ACTR2: variants seen among roughly 807,000 people sequenced by gnomAD.
ACTR2 encodes actin-related protein 2.
Under a neutral mutation model 50.2 loss-of-function variants are expected in ACTR2, and 5 were observed. That is an observed-to-expected ratio of 0.10 (90% CI 0.05 to 0.21). The LOEUF (loss-of-function observed/expected upper bound fraction) is 0.21. Ranked by LOEUF, ACTR2 falls within the 10% of genes least tolerant of loss-of-function variation. The probability of loss-of-function intolerance (pLI) is 1.00; values close to 1 mark genes in which losing one functional copy is unlikely to be tolerated. For synonymous variants in ACTR2, 140 were observed against 162.9 expected (o/e 0.86, Z 1.07); for missense variants, 180 against 480.6 (o/e 0.37, Z 5.85).
At chr2:65,255,764 A>T (rs1672138097) in intron 6 of ACTR2, 70 bp downstream of exon 6, 2 of 1,410,340 alleles carry the variant, frequency 1.4e-6, no homozygotes, top group Non-Finnish European at 9.6e-7. Flanking sequence ...TGTCAGCTTA[A>T]GGAGGTTTTC....
chr2:65,237,632 T>C lies in ACTR2; in HGVS notation c.49-2220T>C, dbSNP rs1383683981. ...TCAGGAGGCTGAGACAGGAGGATCATTGGAGGCCAGGAGTTCCAGACCAGC... is the reference window on the plus strand; with the variant it reads ...TCAGGAGGCTGAGACAGGAGGATCACTGGAGGCCAGGAGTTCCAGACCAGC... On this transcript the variant is annotated intron_variant, in intron 1 of 8. Coordinates refer to ENST00000260641, the MANE Select transcript of ACTR2 (RefSeq NM_005722.4). Among the ~76,000 whole-genome samples, 16 of 152,154 alleles carry C rather than the reference T, an allele frequency of 1.1e-4. No individual in the cohort carries two copies. In the East Asian group the frequency reaches 2.3e-3, roughly 22 times the overall value.
chr2:65,268,967 T>C lies in ACTR2; in HGVS notation c.*233T>C. Reference sequence around the variant, plus strand: ...ATAGACTAGAGGGCTAAGGATTCTGTCTGCTGCTTTGTTTCTTCTAAGTAG... The same window carrying C: ...ATAGACTAGAGGGCTAAGGATTCTGCCTGCTGCTTTGTTTCTTCTAAGTAG... On this transcript the variant is annotated 3_prime_UTR_variant, in exon 9 of 9. Transcript: ENST00000260641. The C allele has an allele frequency of 2.3e-6, 1 of 433,908 alleles. No individual in the cohort carries two copies. Among genetic ancestry groups the C allele is most frequent in the Non-Finnish European group, 4.1e-6 (1 of 241,726 alleles). The allele number at this position is 433,908 out of a possible 1,614,324, so 26.9% of individuals were successfully genotyped here. A position where few individuals can be genotyped will look rare whatever the true frequency, so the allele number is the denominator to read the frequency against.
rs566791487 is a variant in ACTR2, at chr2:65,260,907, T to A, written c.736-340T>A. ...CACCACACCCGGCTAATTTTTTGTA[T>A]TTTTAGTAGAGACAGGGTTTCATTG... On this transcript the variant is annotated intron_variant, in intron 6 of 8. Transcript: ENST00000260641. Among the ~76,000 whole-genome samples the A allele has an allele frequency of 2.9e-4, 44 of 152,070 alleles. 1 individual carries two copies. The highest frequency in any genetic ancestry group is 5.6e-4 in the Non-Finnish European group (38 of 67,986).
intron 7 of ACTR2, among the ~76,000 whole-genome samples, chr2:65,264,456 C>T (rs1236729320): frequency 3.3e-5 from 5 of 152,168 alleles, no homozygotes; most frequent in African/African-American, 4.8e-5. Flanking sequence ...ACTTTTACTA[C>T]ATATGCAGTC....
chr2:65,229,116 C>A (rs901140819), intron 1 of ACTR2, among the ~76,000 whole-genome samples: 2 of 151,952 alleles, frequency 1.3e-5, no homozygotes, highest in Admixed American at 6.6e-5. Flanking sequence ...ATTCAGACCT[C>A]CCTCTTGCCA....
At chr2:65,267,283 G>A (rs1208763894) in intron 8 of ACTR2, among the ~76,000 whole-genome samples, 2 of 152,060 alleles carry the variant, frequency 1.3e-5, no homozygotes, top group Non-Finnish European at 2.9e-5. Flanking sequence ...TGTGGGGTTG[G>A]GTACTTGTCA....
In ACTR2 at chr2:65,255,243, T is replaced by C. The variant is rs555418865; in HGVS notation, c.586-302T>C. Among the ~76,000 whole-genome samples, 10 of 152,350 alleles carry C rather than the reference T, an allele frequency of 6.6e-5. No individual in the cohort carries two copies. In the South Asian group the frequency reaches 1.9e-3, roughly 28 times the overall value. On this transcript the variant is annotated intron_variant, in intron 5 of 8. Coordinates refer to ENST00000260641, the MANE Select transcript of ACTR2 (RefSeq NM_005722.4). ...CTAAAATAATATTTATTCATTAATA[T>C]ACTTTTGATTGTTTATCAAAACTAT...
At chr2:65,229,593 TAAAAATAC>T (rs1671596486) in intron 1 of ACTR2, among the ~76,000 whole-genome samples, 1 of 151,644 alleles carries the variant, frequency 6.6e-6, no homozygotes, top group South Asian at 2.1e-4. Context: ...CCGTCTCTAC[TAAAAATAC>T]AAAAATTAGC....
chr2:65,249,083 A>AG (rs1344839649), intron 3 of ACTR2, among the ~76,000 whole-genome samples: 5 of 152,180 alleles, frequency 3.3e-5, no homozygotes, highest in African/African-American at 1.2e-4. Flanking sequence ...GGAAAGAGAG[A>AG]GCAAGAGAGC....
At chr2:65,236,519 A>T (rs1389445631) in intron 1 of ACTR2, among the ~76,000 whole-genome samples, 1 of 151,964 alleles carries the variant, frequency 6.6e-6, no homozygotes, top group African/African-American at 2.4e-5. Flanking sequence ...TAAACAAAAG[A>T]GTTTCTTGTA....
chr2:65,267,862 CTTTTTTTTTTTTTTTTT>C (rs70943640), intron 8 of ACTR2, among the ~76,000 whole-genome samples: 4 of 47,386 alleles, frequency 8.4e-5, no homozygotes, highest in African/African-American at 3.2e-4. Flanking sequence ...TGCAAGTCCT[CTTTTTTTTTTTTTTTTT>C]TTTTTTTTTT....
At chr2:65,263,045 C>G (rs989398195) in intron 7 of ACTR2, among the ~76,000 whole-genome samples, 3 of 150,446 alleles carry the variant, frequency 2.0e-5, no homozygotes, top group African/African-American at 7.3e-5. Flanking sequence ...GTTTAAGGGA[C>G]TTGTTTGTTT....
intron 2 of ACTR2, 81 bp from the exon 3 acceptor site, chr2:65,246,441 CAG>C: frequency 1.0e-6 from 1 of 958,494 alleles, no homozygotes. Context: ...TTGCAAGTGT[CAG>C]AAATATTAAA....
chr2:65,237,408 T>A (rs1406055382), intron 1 of ACTR2, among the ~76,000 whole-genome samples: 1 of 152,046 alleles, frequency 6.6e-6, no homozygotes, highest in East Asian at 1.9e-4. Context: ...AATTTTTAAA[T>A]TTTTTGTAAT....
intron 1 of ACTR2, among the ~76,000 whole-genome samples, chr2:65,233,863 G>C (rs1457032824): frequency 6.6e-6 from 1 of 151,908 alleles, no homozygotes; most frequent in African/African-American, 2.4e-5. Flanking sequence ...CTCCTGCCTT[G>C]GCCTCCTAAA....
intron 7 of ACTR2, among the ~76,000 whole-genome samples, chr2:65,264,340 C>T (rs1047245775): frequency 6.6e-6 from 1 of 152,136 alleles, no homozygotes; most frequent in African/African-American, 2.4e-5. Context: ...GTAGCTTTAG[C>T]CATTGAGAAC....
chr2:65,244,740 G>T (rs1027960624), intron 2 of ACTR2, among the ~76,000 whole-genome samples: 4 of 152,036 alleles, frequency 2.6e-5, no homozygotes, highest in African/African-American at 9.7e-5. Flanking sequence ...TTGAGCCCAG[G>T]AGTTCAAGAC....
chr2:65,256,638 G>A (rs189406097), intron 6 of ACTR2, among the ~76,000 whole-genome samples: 2 of 152,260 alleles, frequency 1.3e-5, no homozygotes, highest in East Asian at 1.9e-4. Flanking sequence ...TTGGGAGGCC[G>A]AGGCAGGCGG....
At chr2:65,244,939 C>G (rs916188047) in intron 2 of ACTR2, among the ~76,000 whole-genome samples, 2 of 116,482 alleles carry the variant, frequency 1.7e-5, no homozygotes, top group African/African-American at 7.2e-5. Flanking sequence ...GAGACCCCAT[C>G]TCAAAAAAAA....
Sources: allele counts gnomAD v4.1 joint callset (sites outside exome capture counted in the v4.1 genomes callset), GRCh38; gene constraint gnomAD v4.1.1; transcripts MANE v1.5; gene names NCBI Gene and HGNC (gene_info 2026-07-23, HGNC 2026-07-21).